Variants in RAB8B observed in about 807,000 individuals in gnomAD.
RAB8B encodes ras-related protein Rab-8B.
In RAB8B, 11 loss-of-function variants were observed where a neutral mutation model predicts 32.0. That is an observed-to-expected ratio of 0.34 (90% confidence interval 0.22 to 0.57). The LOEUF is 0.57. Among genes scored for constraint, RAB8B ranks in the 20% least tolerant of loss-of-function variants. RAB8B has a pLI of 0.86. For missense variants in RAB8B, 190 were observed against 258.5 expected, an observed-to-expected ratio of 0.73 and a Z score of 1.82; for synonymous variants, 103 against 89.6, an observed-to-expected ratio of 1.15 and a Z score of -0.85.
intron 1 of RAB8B, among the ~76,000 whole-genome samples, chr15:63,218,871 A>AG (rs1021521315): frequency 6.6e-6 from 1 of 152,100 alleles, no homozygotes; most frequent in Non-Finnish European, 1.5e-5. Flanking sequence ...CAAAATAGGA[A>AG]GAAAAAAAAA....
chr15:63,218,872 G>GA (rs538831415), intron 1 of RAB8B, among the ~76,000 whole-genome samples: 17 of 148,254 alleles, frequency 1.1e-4, no homozygotes, highest in Non-Finnish European at 2.2e-4. Context: ...AAAATAGGAA[G>GA]AAAAAAAAAC....
intron 1 of RAB8B, among the ~76,000 whole-genome samples, chr15:63,224,737 C>T (rs887240271): frequency 6.6e-6 from 1 of 152,062 alleles, no homozygotes; most frequent in Non-Finnish European, 1.5e-5. Context: ...CTTTTGTGAT[C>T]GCGACATAAT....
At position 63,197,822 on chromosome 15, in the gene RAB8B, CA is replaced by C. The variant is rs549904174; in HGVS notation, c.124+8075del. On this transcript the variant is annotated intron_variant, in intron 1 of 7. Transcript: ENST00000321437. ...TGAGTTCTGAGGTCCTGTCTGAGCT[CA>C]GCAAGGCTGAGGGCTGTGATGGATT... 2.8e-3 allele frequency among the ~76,000 whole-genome samples: 429 copies of C among 152,228 alleles called. 6 individuals are homozygous for C. Among genetic ancestry groups the C allele is most frequent in the African/African-American group, 1.0e-2 (415 of 41,524 alleles).
chr15:63,246,399 C>G (rs1648267682), intron 2 of RAB8B, among the ~76,000 whole-genome samples: 1 of 152,146 alleles, frequency 6.6e-6, no homozygotes, highest in African/African-American at 2.4e-5. Context: ...CTGATGACCC[C>G]CCTCCTCTGA....
intron 1 of RAB8B, among the ~76,000 whole-genome samples, chr15:63,229,966 T>C (rs1212738316): frequency 1.3e-5 from 2 of 152,082 alleles, no homozygotes; most frequent in Non-Finnish European, 2.9e-5. Context: ...TTTTGTATCA[T>C]AGAGGATTGT....
intron 1 of RAB8B, among the ~76,000 whole-genome samples, chr15:63,211,667 T>A (rs572260948): frequency 1.3e-5 from 2 of 152,298 alleles, no homozygotes; most frequent in South Asian, 4.1e-4. Flanking sequence ...TGGTGGATTT[T>A]TTTTGCCAAG....
intron 1 of RAB8B, among the ~76,000 whole-genome samples, chr15:63,223,629 A>C (rs909771319): frequency 2.0e-5 from 3 of 152,202 alleles, no homozygotes; most frequent in African/African-American, 7.2e-5. Flanking sequence ...AAACCACCTA[A>C]AAATGCATTT....
intron 1 of RAB8B, among the ~76,000 whole-genome samples, chr15:63,241,818 T>G (rs550239223): frequency 6.6e-6 from 1 of 152,158 alleles, no homozygotes; most frequent in African/African-American, 2.4e-5. Flanking sequence ...TACACTGGAT[T>G]TGGTGGCATA....
chr15:63,194,084 C>A (rs2037581463), intron 1 of RAB8B, among the ~76,000 whole-genome samples: 1 of 152,096 alleles, frequency 6.6e-6, no homozygotes, highest in Non-Finnish European at 1.5e-5. Flanking sequence ...GCTGCCCTGC[C>A]CCCTTCTTCC....
At chr15:63,255,704 T>G (rs758369998) in intron 4 of RAB8B, 120 bp downstream of exon 4, 9 of 747,300 alleles carry the variant, frequency 1.2e-5, no homozygotes, top group Non-Finnish European at 2.0e-5. Context: ...GGTTGGGCCC[T>G]CTCTCTCTGA....
chr15:63,234,357 A>G (rs946314900), intron 1 of RAB8B, among the ~76,000 whole-genome samples: 5 of 152,188 alleles, frequency 3.3e-5, no homozygotes, highest in Non-Finnish European at 7.3e-5. Context: ...AGAAAAGATT[A>G]TGTTATTAAT....
intron 1 of RAB8B, among the ~76,000 whole-genome samples, chr15:63,219,033 T>TTTTA: frequency 7.6e-6 from 1 of 131,862 alleles, no homozygotes; most frequent in Non-Finnish European, 1.6e-5. Context: ...TTTTTTTTTT[T>TTTTA]AGAAGGAAAG....
intron 1 of RAB8B, among the ~76,000 whole-genome samples, chr15:63,235,381 C>T (rs990982639): frequency 2.0e-5 from 3 of 151,944 alleles, no homozygotes; most frequent in East Asian, 1.9e-4. Context: ...TTTTTACTGC[C>T]GTTAATGAAC....
chr15:63,212,756 T>C (rs1299085477), intron 1 of RAB8B, among the ~76,000 whole-genome samples: 1 of 152,206 alleles, frequency 6.6e-6, no homozygotes, highest in Admixed American at 6.5e-5. Context: ...ATGATTGGTG[T>C]ATGAATAGAA....
At chr15:63,199,494 C>T (rs532078678) in intron 1 of RAB8B, among the ~76,000 whole-genome samples, 5 of 152,172 alleles carry the variant, frequency 3.3e-5, no homozygotes, top group African/African-American at 9.6e-5. Context: ...AAATTTCCAA[C>T]CTTATAGAAG....
intron 2 of RAB8B, among the ~76,000 whole-genome samples, chr15:63,249,166 T>C (rs2038094682): frequency 6.6e-6 from 1 of 152,236 alleles, no homozygotes; most frequent in South Asian, 2.1e-4. Flanking sequence ...ATCTATTTTA[T>C]TGTGCTCTAC....
chr15:63,214,762 T>A (rs1259624584), intron 1 of RAB8B, among the ~76,000 whole-genome samples: 1 of 152,214 alleles, frequency 6.6e-6, no homozygotes, highest in African/African-American at 2.4e-5. Context: ...CTGTGGGGGT[T>A]GAAACCTGCT....
At position 63,266,788 on chromosome 15, in the gene RAB8B, A is replaced by G. The variant is rs2038251941; in HGVS notation, c.*3169A>G. The G allele has an allele frequency of 6.6e-6, 1 of 152,590 alleles. No homozygotes were observed. Among genetic ancestry groups the G allele is most frequent in the Non-Finnish European group, 1.5e-5 (1 of 68,010 alleles). 9.5% of individuals were successfully genotyped at this position (152,590 alleles called of 1,614,324 possible). A position where few individuals can be genotyped will look rare whatever the true frequency, so the allele number is the denominator to read the frequency against. On this transcript the variant is annotated 3_prime_UTR_variant, in exon 8 of 8. Transcript: ENST00000321437. ...GCAGAAGTTTCTAGTAAGAGATTAT[A>G]ACTCCATTTTACAGGTTCTGAATGC...
At chr15:63,214,286 CTTTTTTTTTTTTT>C (rs34415858) in intron 1 of RAB8B, among the ~76,000 whole-genome samples, 5 of 95,650 alleles carry the variant, frequency 5.2e-5, no homozygotes, top group East Asian at 4.8e-4. Context: ...CAGTTTCTTT[CTTTTTTTTTTTTT>C]TTTTTTTTTT....
Sources: allele counts gnomAD v4.1 joint callset (sites outside exome capture counted in the v4.1 genomes callset), GRCh38; gene constraint gnomAD v4.1.1; transcripts MANE v1.5; gene names NCBI Gene and HGNC (gene_info 2026-07-23, HGNC 2026-07-21).